Variants in VPS13C observed in about 807,000 individuals in gnomAD.
VPS13C encodes vacuolar protein sorting 13 homolog C.
VPS13C carries 358 observed loss-of-function variants against 456.8 expected under a neutral mutation model. The ratio of observed to expected loss-of-function variants is 0.78; its 90% CI spans 0.72 to 0.86. The LOEUF (loss-of-function observed/expected upper bound fraction) is 0.86, where lower values mean the gene tolerates loss of function less well. Among genes scored for constraint, VPS13C ranks in the 40% least tolerant of loss-of-function variants. VPS13C has a pLI of 0.00. For synonymous variants in VPS13C, 1,578 were observed against 1,486.7 expected, an observed-to-expected ratio of 1.06 and a Z score of -1.41; for missense variants, 4,818 against 4,385.4, an observed-to-expected ratio of 1.10 and a Z score of -2.79.
chr15:61,941,946 T>A lies in VPS13C; in HGVS notation c.5270A>T (p.Asp1757Val), dbSNP rs1329393258. Residue 1757 changes from aspartate (D) to valine (V), a missense_variant, in exon 46 of 85, where the codon GAT (aspartate) becomes GTT (valine). Transcript: ENST00000644861. Reference sequence around the variant, plus strand: ...AATAACTGGTGCTTTCAAATTAATATCCATCAAAAGGCGGAAACTCTTTTG... The same window carrying A: ...AATAACTGGTGCTTTCAAATTAATAACCATCAAAAGGCGGAAACTCTTTTG... Reference protein sequence around the residue: ...LAQKSFRLLMDINLKAPVIII... With the variant: ...LAQKSFRLLMVINLKAPVIII... The A allele has an allele frequency of 6.2e-7, 1 of 1,613,982 alleles. No homozygotes were observed. Among genetic ancestry groups the A allele is most frequent in the Admixed American group, 1.7e-5 (1 of 60,002 alleles).
Position 62,011,266 on chromosome 15 carries a change from C to A in VPS13C, c.884-667G>T, listed in dbSNP as rs143294540. ...TAATTACAATTTGCATAAGACTGTA[C>A]AAAATTTTCAACTGCTTTAAAAGCT... On this transcript the variant is annotated intron_variant, in intron 12 of 84. Transcript: ENST00000644861. 4.5e-3 allele frequency among the ~76,000 whole-genome samples: 680 copies of A among 152,086 alleles called. 22 individuals carry two copies. Among genetic ancestry groups the A allele is most frequent in the Admixed American group, 0.043 (650 of 15,276 alleles).
At chr15:61,892,922 C>G (rs953066682) in intron 66 of VPS13C, among the ~76,000 whole-genome samples, 2 of 152,070 alleles carry the variant, frequency 1.3e-5, no homozygotes, top group African/African-American at 4.8e-5. Flanking sequence ...CTAAGACAGG[C>G]TATTGGAAAA....
chr15:62,015,682 A>C (rs1273125482), intron 9 of VPS13C, among the ~76,000 whole-genome samples: 1 of 137,600 alleles, frequency 7.3e-6, no homozygotes, highest in African/African-American at 2.8e-5. Context: ...AAGAACAAAA[A>C]ACCAAACACC....
chr15:62,016,335 G>A (rs370744349), intron 9 of VPS13C, among the ~76,000 whole-genome samples: 18 of 151,566 alleles, frequency 1.2e-4, no homozygotes, highest in East Asian at 7.8e-4. Context: ...GATTAGTTAC[G>A]TATGTATACA....
chr15:62,004,588 T>C (rs900013089), intron 15 of VPS13C, among the ~76,000 whole-genome samples: 14 of 150,886 alleles, frequency 9.3e-5, no homozygotes, highest in Admixed American at 6.6e-4. Flanking sequence ...GCTCTTGCTT[T>C]TCTAGTTCTT....
intron 6 of VPS13C, among the ~76,000 whole-genome samples, chr15:62,024,734 T>G (rs1300022529): frequency 1.3e-5 from 2 of 152,140 alleles, no homozygotes; most frequent in Non-Finnish European, 2.9e-5. Context: ...AGTCCTTTTA[T>G]GATGTGACCC....
At chr15:61,860,320 G>T (rs1329495382) in intron 82 of VPS13C, among the ~76,000 whole-genome samples, 1 of 152,082 alleles carries the variant, frequency 6.6e-6, no homozygotes, top group Non-Finnish European at 1.5e-5. Context: ...AAAAGTTTAA[G>T]TGATAAAACC....
intron 6 of VPS13C, among the ~76,000 whole-genome samples, chr15:62,026,124 T>G (rs908820512): frequency 8.1e-6 from 1 of 123,926 alleles, no homozygotes; most frequent in African/African-American, 2.6e-5. Context: ...TATAGATATA[T>G]AATTAGAAAA....
At chr15:61,991,528 C>A in intron 17 of VPS13C, 145 bp downstream of exon 17, 2 of 789,632 alleles carry the variant, frequency 2.5e-6, no homozygotes, top group Admixed American at 3.6e-5. Context: ...AATATTCCAG[C>A]CTGATGTATT....
intron 23 of VPS13C, 89 bp downstream of exon 23, chr15:61,978,537 G>T: frequency 7.0e-7 from 1 of 1,432,266 alleles, no homozygotes; most frequent in Non-Finnish European, 9.3e-7. Context: ...TGGTTGTCAG[G>T]GTTGATATAT....
intron 15 of VPS13C, among the ~76,000 whole-genome samples, chr15:62,001,484 A>AT (rs906147237): frequency 1.5e-4 from 22 of 151,482 alleles, no homozygotes; most frequent in East Asian, 1.9e-4. Flanking sequence ...TCTACCTTTT[A>AT]TTTTTTTTGA....
intron 9 of VPS13C, among the ~76,000 whole-genome samples, chr15:62,015,730 A>G (rs2047214484): frequency 8.1e-6 from 1 of 124,040 alleles, no homozygotes; most frequent in Admixed American, 8.9e-5. Context: ...GAACAATGAG[A>G]TCACATGGAC....
At chr15:61,940,293 A>G (rs1567027379) in intron 47 of VPS13C, among the ~76,000 whole-genome samples, 1 of 152,216 alleles carries the variant, frequency 6.6e-6, no homozygotes, top group Non-Finnish European at 1.5e-5. Flanking sequence ...CAAAATTAAG[A>G]ATAATATTTT....
chr15:61,895,469 G>C (rs1437014409), intron 66 of VPS13C, among the ~76,000 whole-genome samples: 1 of 152,012 alleles, frequency 6.6e-6, no homozygotes, highest in Non-Finnish European at 1.5e-5. Flanking sequence ...TACAAAAAAA[G>C]AGAAGACCTC....
chr15:61,973,925 C>CTGTG (rs1294899941), intron 25 of VPS13C, among the ~76,000 whole-genome samples: 1 of 151,962 alleles, frequency 6.6e-6, no homozygotes, highest in East Asian at 1.9e-4. Context: ...AACATTTCTA[C>CTGTG]TGTGTAAAGC....
chr15:61,936,897 G>C lies in VPS13C; in HGVS notation c.5602-147C>G. ...AGTTAGGACTATAAATACCAGAACA[G>C]AAGTATTTCACCTTGTTTACTGTGT... is the stretch of plus-strand genomic sequence containing the variant. On this transcript the variant is annotated intron_variant, in intron 47 of 84. Coordinates refer to ENST00000644861, the MANE Select transcript of VPS13C (RefSeq NM_020821.3). The C allele has an allele frequency of 6.7e-6, 6 of 896,632 alleles. No individual in the cohort carries two copies. The South Asian group carries it at 9.7e-5, about 14-fold the overall frequency. The allele number at this position is 896,632 out of a possible 1,614,324, so 55.5% of individuals were successfully genotyped here.
chr15:62,041,267 A>C, intron 3 of VPS13C, 57 bp downstream of exon 3: 2 of 1,552,088 alleles, frequency 1.3e-6, no homozygotes, highest in Non-Finnish European at 1.7e-6. Flanking sequence ...AAATAACACA[A>C]GCAAAATAGA....
At position 62,035,113 on chromosome 15, in the gene VPS13C, C is replaced by T. The variant is rs115785518; in HGVS notation, c.188-61G>A. On this transcript the variant is annotated intron_variant, in intron 3 of 84. Transcript: ENST00000644861. ...TGACTGCTCAAGAACACAAAAATTT[C>T]TCACTTTCCATTAAGCGAAAAAGCA... The T allele has an allele frequency of 2.5e-3, 3,189 of 1,271,538 alleles. 70 individuals carry two copies. The African/African-American group carries it at 0.042, about 17-fold the overall frequency. 78.8% of individuals were successfully genotyped at this position (1,271,538 alleles called of 1,614,324 possible).
rs765867470 is a variant in VPS13C, at chr15:61,854,919, A to G, written c.11112T>C (p.Asn3704=). 6.2e-7 allele frequency: 1 copy of G among 1,613,436 alleles called. No individual in the cohort carries two copies. Among genetic ancestry groups the G allele is most frequent in the Non-Finnish European group, 8.5e-7 (1 of 1,179,780 alleles). The change falls in exon 84 of 85, where the codon AAT becomes AAC. Residue 3704 remains asparagine (N), a synonymous_variant. Coordinates refer to ENST00000644861, the MANE Select transcript of VPS13C (RefSeq NM_020821.3). ...GGTAAACTTTTCGAACACAGCCTTG[A>G]TTGGCACTGTCTTTTTTGTGGAACA... is the stretch of plus-strand genomic sequence containing the variant. ...QGLFHKKDSA[N]QGCVRKVYLK...
Sources: allele counts gnomAD v4.1 joint callset (sites outside exome capture counted in the v4.1 genomes callset), GRCh38; gene constraint gnomAD v4.1.1; transcripts MANE v1.5; gene names NCBI Gene and HGNC (gene_info 2026-07-23, HGNC 2026-07-21).